TLL1: variants seen among roughly 807,000 people sequenced by gnomAD.
TLL1 encodes the protein tolloid like 1.
TLL1 carries 49 observed loss-of-function variants against 128.2 expected under a neutral mutation model. That is an observed-to-expected ratio of 0.38 (90% CI 0.30 to 0.48). TLL1 has a LOEUF of 0.48. Ranked by LOEUF, TLL1 falls within the 20% of genes least tolerant of loss-of-function variation. The pLI is 0.96. For missense variants in TLL1, 1,123 were observed against 1,242.0 expected (o/e 0.90, Z 1.44); for synonymous variants, 454 against 418.8 (o/e 1.08, Z -1.03).
At chr4:165,920,477 G>T (rs1413993330) in intron 1 of TLL1, among the ~76,000 whole-genome samples, 3 of 152,154 alleles carry the variant, frequency 2.0e-5, no homozygotes, top group Non-Finnish European at 2.9e-5. Flanking sequence ...TCAGTAAATT[G>T]TATCAGAAAA....
chr4:165,979,044 C>T (rs1736017527), intron 1 of TLL1, among the ~76,000 whole-genome samples: 1 of 147,974 alleles, frequency 6.8e-6, no homozygotes, highest in African/African-American at 2.7e-5. Context: ...ACTGGTTGTT[C>T]TGTGTTTTTT....
intron 1 of TLL1, among the ~76,000 whole-genome samples, chr4:165,963,493 T>C (rs1346322952): frequency 6.6e-6 from 1 of 152,182 alleles, no homozygotes; most frequent in Non-Finnish European, 1.5e-5. Context: ...TTTTTCTCTC[T>C]TTATCAGGTA....
intron 14 of TLL1, 52 bp downstream of exon 14, chr4:166,057,361 TATATTCTC>T (rs1357618344): frequency 6.2e-7 from 1 of 1,602,164 alleles, no homozygotes; most frequent in Admixed American, 1.7e-5. Flanking sequence ...ATTTATTTCT[TATATTCTC>T]ATTCTCTGTC....
At chr4:165,940,874 C>A (rs767623584) in intron 1 of TLL1, among the ~76,000 whole-genome samples, 6 of 151,996 alleles carry the variant, frequency 3.9e-5, no homozygotes, top group Non-Finnish European at 8.8e-5. Flanking sequence ...TAAGCCTTCA[C>A]CATTTTGGGG....
chr4:165,921,175 T>C (rs1341573665), intron 1 of TLL1, among the ~76,000 whole-genome samples: 1 of 152,208 alleles, frequency 6.6e-6, no homozygotes, highest in African/African-American at 2.4e-5. Context: ...AGATGACATA[T>C]GGCATATGCG....
rs559044195 is a variant in TLL1 at position 165,905,888 on chromosome 4, G to A, written c.169+31815G>A. On this transcript the variant is annotated intron_variant, in intron 1 of 20. Coordinates refer to ENST00000061240, the MANE Select transcript of TLL1 (RefSeq NM_012464.5). The stretch of plus-strand genomic sequence containing the variant: ...CTGACTCATTTCCCAGTCCCTCACC[G>A]TGAGACACCCCACAAATGTCTGCTG... 3.9e-5 allele frequency among the ~76,000 whole-genome samples: 6 copies of A among 152,160 alleles called. No individual in the cohort carries two copies. The South Asian group carries it at 6.2e-4, about 16-fold the overall frequency.
intron 16 of TLL1, among the ~76,000 whole-genome samples, chr4:166,074,655 C>T (rs1046528561): frequency 2.0e-5 from 3 of 152,014 alleles, no homozygotes; most frequent in Non-Finnish European, 2.9e-5. Context: ...ATTATCGTAG[C>T]GCTAATAGTC....
chr4:166,026,765 G>A (rs183321589), intron 9 of TLL1, among the ~76,000 whole-genome samples: 80 of 151,800 alleles, frequency 5.3e-4, no homozygotes, highest in African/African-American at 1.9e-3. Context: ...AAGAATAATA[G>A]AGAAAGCACA....
intron 9 of TLL1, chr4:166,030,719 C>T (rs1012533580): frequency 1.7e-6 from 2 of 1,177,216 alleles, no homozygotes; most frequent in African/African-American, 3.2e-5. Flanking sequence ...TTCTTCAACA[C>T]CATTTGTTAA....
chr4:166,046,759 C>T (rs538282597), intron 12 of TLL1, among the ~76,000 whole-genome samples: 1 of 152,128 alleles, frequency 6.6e-6, no homozygotes, highest in Admixed American at 6.5e-5. Flanking sequence ...TGTATTAATG[C>T]GTCTTTAAAC....
At chr4:165,897,023 A>G (rs148561423) in intron 1 of TLL1, among the ~76,000 whole-genome samples, 336 of 151,946 alleles carry the variant, frequency 2.2e-3, no homozygotes, top group African/African-American at 7.9e-3. Flanking sequence ...TTTTTTTCAT[A>G]TGTTTCTTGG....
intron 9 of TLL1, among the ~76,000 whole-genome samples, chr4:166,026,443 T>A (rs1483562964): frequency 6.6e-6 from 1 of 151,896 alleles, no homozygotes; most frequent in East Asian, 1.9e-4. Flanking sequence ...TCCCAACACT[T>A]TGGGAGGCTG....
At chr4:165,876,092 C>T (rs1166223431) in intron 1 of TLL1, among the ~76,000 whole-genome samples, 5 of 152,102 alleles carry the variant, frequency 3.3e-5, no homozygotes, top group African/African-American at 7.2e-5. Context: ...TGTGTTCACA[C>T]GCATGCATGT....
intron 1 of TLL1, among the ~76,000 whole-genome samples, chr4:165,938,923 A>G (rs1365502647): frequency 1.3e-5 from 2 of 151,880 alleles, no homozygotes; most frequent in Non-Finnish European, 2.9e-5. Flanking sequence ...TTGCAATGTC[A>G]TTGTATCTCT....
chr4:166,083,155 G>A lies in TLL1; in HGVS notation c.2442+5125G>A, dbSNP rs1307293427. On this transcript the variant is annotated intron_variant, in intron 18 of 20. Coordinates refer to ENST00000061240, the MANE Select transcript of TLL1 (RefSeq NM_012464.5). ...GCAAATAAAACACTTGGGTCCCTAT[G>A]TATACAGTGGAACTTTCTTCACAGT... Among the ~76,000 whole-genome samples the A allele has an allele frequency of 4.7e-5, 6 of 127,358 alleles. 2 individuals carry two copies. In the Admixed American group the frequency reaches 5.4e-4, roughly 12 times the overall value. The allele number at this position is 127,358 out of a possible 152,430, so 83.6% of individuals were successfully genotyped here.
At chr4:165,904,901 C>T (rs1732180302) in intron 1 of TLL1, among the ~76,000 whole-genome samples, 2 of 152,100 alleles carry the variant, frequency 1.3e-5, no homozygotes, top group Non-Finnish European at 2.9e-5. Context: ...GGAAAATAAG[C>T]ACATGGAAAT....
chr4:165,960,803 C>T (rs184229416), intron 1 of TLL1, among the ~76,000 whole-genome samples: 91 of 152,150 alleles, frequency 6.0e-4, no homozygotes, highest in Admixed American at 1.7e-3. Flanking sequence ...ATCGAAGAAA[C>T]ATGTCTCAGA....
At chr4:165,882,342 C>G (rs1464108166) in intron 1 of TLL1, among the ~76,000 whole-genome samples, 1 of 152,022 alleles carries the variant, frequency 6.6e-6, no homozygotes. Flanking sequence ...ATGAAGAATT[C>G]CTGCTTGTAC....
intron 1 of TLL1, among the ~76,000 whole-genome samples, chr4:165,903,215 G>A (rs372915977): frequency 9.2e-5 from 14 of 151,840 alleles, no homozygotes; most frequent in Non-Finnish European, 1.5e-4. Context: ...GTGCATGCCC[G>A]TGGTCTCAGC....
Sources: allele counts gnomAD v4.1 joint callset (sites outside exome capture counted in the v4.1 genomes callset), GRCh38; gene constraint gnomAD v4.1.1; transcripts MANE v1.5; gene names NCBI Gene and HGNC (gene_info 2026-07-23, HGNC 2026-07-21).